The following OSMR variants were observed in gnomAD, a reference collection of about 807,000 sequenced individuals.
OSMR encodes the protein oncostatin M receptor.
In OSMR, 81 loss-of-function variants were observed where a neutral mutation model predicts 99.9. The ratio of observed to expected loss-of-function variants is 0.81; its 90% CI spans 0.68 to 0.97. The LOEUF (loss-of-function observed/expected upper bound fraction) is 0.97, where lower values mean the gene tolerates loss of function less well. OSMR is among the 50% of genes least tolerant of loss of function. The pLI is 0.00. For missense variants in OSMR, 1,099 were observed against 1,153.4 expected (o/e 0.95, Z 0.68); for synonymous variants, 406 against 410.4 (o/e 0.99, Z 0.13).
At chr5:38,859,010 C>T (rs1013927578) in intron 1 of OSMR, among the ~76,000 whole-genome samples, 1 of 152,144 alleles carries the variant, frequency 6.6e-6, no homozygotes, top group African/African-American at 2.4e-5. Context: ...AGTTCCTAGT[C>T]AGATGAATGG....
At chr5:38,906,111 G>A (rs1184141076) in intron 9 of OSMR, among the ~76,000 whole-genome samples, 1 of 151,232 alleles carries the variant, frequency 6.6e-6, no homozygotes, top group African/African-American at 2.4e-5. Context: ...TGAGAGGAAT[G>A]TTGCATTTTC....
intron 7 of OSMR, among the ~76,000 whole-genome samples, chr5:38,898,398 C>G (rs1744663102): frequency 6.6e-6 from 1 of 152,166 alleles, no homozygotes. Context: ...TCTATTTTGT[C>G]TGGCATAAGT....
At chr5:38,863,926 CT>C (rs1741721085) in intron 1 of OSMR, among the ~76,000 whole-genome samples, 1 of 98,406 alleles carries the variant, frequency 1.0e-5, no homozygotes, top group Non-Finnish European at 2.5e-5. Flanking sequence ...CTTTCTTTTT[CT>C]CTTTTTCTGG....
intron 1 of OSMR, among the ~76,000 whole-genome samples, chr5:38,864,659 G>A (rs1741795227): frequency 6.6e-6 from 1 of 151,178 alleles, no homozygotes; most frequent in African/African-American, 2.4e-5. Flanking sequence ...ATGACTTGAT[G>A]CTTTTCTCTT....
rs73083385 is a variant in OSMR at position 38,925,232 on chromosome 5, T to G, written c.2073T>G (p.Ile691Met). The change falls in exon 15 of 18, where the codon ATT becomes ATG. Residue 691 changes from isoleucine to methionine, a missense_variant. Ile to Met is a conservative substitution (Grantham distance 10). Coordinates refer to ENST00000274276, the MANE Select transcript of OSMR (RefSeq NM_003999.3). ...GTTCAGAATGTTGCAAATACAAAATTGACAACCCGGAAGAAAAGGCATTGA... is the reference window on the plus strand; with the variant it reads ...GTTCAGAATGTTGCAAATACAAAATGGACAACCCGGAAGAAAAGGCATTGA... ...SDGSECCKYK[I>M]DNPEEKALIV... is the part of the protein sequence containing the mutation. 1.2e-6 allele frequency: 2 copies of G among 1,614,106 alleles called. No homozygotes were observed. The highest frequency in any genetic ancestry group is 2.7e-5 in the African/African-American group (2 of 75,028).
intron 15 of OSMR, 122 bp downstream of exon 15, chr5:38,925,493 A>G (rs1746435471): frequency 8.4e-6 from 7 of 831,544 alleles, no homozygotes; most frequent in Admixed American, 2.0e-5. Context: ...TCCCCTTCTC[A>G]CCTCCCTCTT....
chr5:38,887,391 A>T (rs1480782415), intron 7 of OSMR, among the ~76,000 whole-genome samples: 1 of 152,168 alleles, frequency 6.6e-6, no homozygotes. Context: ...ATTTTTTTAT[A>T]TTAAGTGAGA....
Position 38,885,454 on chromosome 5 carries a change from A to T in OSMR, c.809A>T (p.Gln270Leu), listed in dbSNP as rs756846838. 1.9e-6 allele frequency: 3 copies of T among 1,614,032 alleles called. No individual in the cohort carries two copies. In the Admixed American group the frequency reaches 5.0e-5, roughly 27 times the overall value. Residue 270 changes from glutamine to leucine, a missense_variant, in exon 6 of 18, where the codon CAA becomes CTA. By Grantham distance (113) the Gln-to-Leu change is moderately radical. Transcript: ENST00000274276. ...GTDTALGWSK[Q>L]PSQSYTLFES... is the part of the protein sequence containing the mutation. The stretch of plus-strand genomic sequence containing the variant: ...GACACTGCCTTGGGGTGGTCTAAAC[A>T]ACCTTCCCAAAGCTACACTTTATTT...
intron 1 of OSMR, among the ~76,000 whole-genome samples, chr5:38,863,635 G>A (rs1477026365): frequency 2.0e-5 from 3 of 152,206 alleles, no homozygotes; most frequent in Admixed American, 2.0e-4. Context: ...TATTTTGCAG[G>A]TGTTGGATAA....
intron 1 of OSMR, among the ~76,000 whole-genome samples, chr5:38,853,877 G>A (rs1435526057): frequency 4.6e-5 from 7 of 152,084 alleles, no homozygotes; most frequent in African/African-American, 1.4e-4. Flanking sequence ...TGTGGGGGAC[G>A]GACATGAAAG....
In OSMR at chr5:38,925,212, G is replaced by C. The variant is rs1359238266; in HGVS notation, c.2053G>C (p.Glu685Gln). The C allele has an allele frequency of 1.9e-6, 3 of 1,613,614 alleles. No individual in the cohort carries two copies. Among genetic ancestry groups the C allele is most frequent in the Non-Finnish European group, 2.5e-6 (3 of 1,179,848 alleles). Residue 685 changes from glutamate to glutamine, a missense_variant, in exon 15 of 18, where the codon GAA becomes CAA. Coordinates refer to ENST00000274276, the MANE Select transcript of OSMR (RefSeq NM_003999.3). ...CATTTAAAAAATCACAGATGGTTCA[G>C]AATGTTGCAAATACAAAATTGACAA... Reference protein sequence around the residue: ...FEKAVLSDGSECCKYKIDNPE... With the variant: ...FEKAVLSDGSQCCKYKIDNPE...
intron 9 of OSMR, among the ~76,000 whole-genome samples, chr5:38,914,776 G>A (rs55655968): frequency 0.41 from 62,483 of 152,020 alleles, 13,140 homozygotes; most frequent in African/African-American, 0.5. Flanking sequence ...AGTGGGAACT[G>A]AACATTGGGT....
intron 15 of OSMR, among the ~76,000 whole-genome samples, chr5:38,926,485 C>T (rs948981988): frequency 6.6e-6 from 1 of 152,138 alleles, no homozygotes; most frequent in African/African-American, 2.4e-5. Context: ...GCAAACACAT[C>T]CTTCTTAACA....
At position 38,933,043 on chromosome 5, in the gene OSMR, C is replaced by T. The variant is rs773301072; in HGVS notation, c.2539C>T (p.His847Tyr). 2 of 1,614,160 alleles carry T rather than the reference C, an allele frequency of 1.2e-6. No individual in the cohort carries two copies. The highest frequency in any genetic ancestry group is 2.2e-5 in the South Asian group (2 of 91,072). The change falls in exon 18 of 18, where the codon CAC becomes TAC. Residue 847 changes from histidine to tyrosine, a missense_variant. Coordinates refer to ENST00000274276, the MANE Select transcript of OSMR (RefSeq NM_003999.3). ...TTATCTCCTTCCAACAGAAAAGAAT[C>T]ACTCTGGCCCTGGCCCCTGCATCTG... ...YLYLLPTEKN[H>Y]SGPGPCICFE... is the part of the protein sequence containing the mutation.
intron 7 of OSMR, among the ~76,000 whole-genome samples, chr5:38,898,345 G>A (rs1897140): frequency 0.3 from 45,135 of 151,966 alleles, 7,399 homozygotes; most frequent in East Asian, 0.51. Context: ...TTATAATTAC[G>A]TAATGACCTA....
intron 7 of OSMR, chr5:38,886,467 G>A (rs1381734260): frequency 4.6e-6 from 3 of 647,256 alleles, no homozygotes; most frequent in Non-Finnish European, 6.7e-6. Context: ...ATCCTGTAAC[G>A]CCCCCACCTT....
intron 4 of OSMR, 101 bp downstream of exon 4, chr5:38,881,865 G>C: frequency 9.8e-7 from 1 of 1,025,118 alleles, no homozygotes; most frequent in Non-Finnish European, 1.5e-6. Flanking sequence ...ACCCTGGGTA[G>C]ACACTGACAT....
intron 4 of OSMR, among the ~76,000 whole-genome samples, chr5:38,882,721 A>C (rs1743392156): frequency 1.3e-5 from 2 of 152,246 alleles, no homozygotes; most frequent in African/African-American, 4.8e-5. Flanking sequence ...GCGCACGTTA[A>C]ACTAATAATA....
At chr5:38,899,410 T>C (rs1171621610) in intron 7 of OSMR, among the ~76,000 whole-genome samples, 1 of 152,118 alleles carries the variant, frequency 6.6e-6, no homozygotes, top group East Asian at 1.9e-4. Flanking sequence ...AAGAGCCCAC[T>C]TGTGCTCTAC....
Sources: allele counts gnomAD v4.1 joint callset (sites outside exome capture counted in the v4.1 genomes callset), GRCh38; gene constraint gnomAD v4.1.1; transcripts MANE v1.5; gene names NCBI Gene and HGNC (gene_info 2026-07-23, HGNC 2026-07-21).